NECAB1: variants seen among roughly 807,000 people sequenced by gnomAD.
NECAB1 encodes N-terminal EF-hand calcium binding protein 1.
Under a neutral mutation model 57.5 loss-of-function variants are expected in NECAB1, and 29 were observed. That is an observed-to-expected ratio of 0.50 (90% CI 0.38 to 0.69). The LOEUF (loss-of-function observed/expected upper bound fraction) is 0.69, where lower values mean the gene tolerates loss of function less well. Among genes scored for constraint, NECAB1 ranks in the 30% least tolerant of loss-of-function variants. NECAB1 has a pLI of 0.00. For synonymous variants in NECAB1, 142 were observed against 147.7 expected (o/e 0.96, Z 0.28); for missense variants, 372 against 413.8 (o/e 0.90, Z 0.88).
intron 4 of NECAB1, among the ~76,000 whole-genome samples, chr8:90,880,305 A>T (rs542639750): frequency 6.6e-6 from 1 of 152,254 alleles, no homozygotes; most frequent in African/African-American, 2.4e-5. Context: ...AAAACCCTAG[A>T]TCTTCTCAAT....
At chr8:90,848,550 A>C (rs1812612888) in intron 3 of NECAB1, among the ~76,000 whole-genome samples, 1 of 152,198 alleles carries the variant, frequency 6.6e-6, no homozygotes, top group Non-Finnish European at 1.5e-5. Context: ...GTAATTTATG[A>C]AGAAAAAGAG....
In NECAB1 at chr8:90,869,920, C is replaced by T. The variant is rs114853173; in HGVS notation, c.234-2208C>T. 5.3e-3 allele frequency among the ~76,000 whole-genome samples: 800 copies of T among 152,176 alleles called. 6 individuals are homozygous for T. The highest frequency in any genetic ancestry group is 0.018 in the African/African-American group (757 of 41,520). ...TGGCTTTCTGTCTCCACCCAAATCT[C>T]ATGTTGAATTTCTAATCCCCAGTGT... On this transcript the variant is annotated intron_variant, in intron 3 of 12. Transcript: ENST00000417640.
intron 5 of NECAB1, among the ~76,000 whole-genome samples, chr8:90,916,636 G>A (rs1809959628): frequency 6.6e-6 from 1 of 152,118 alleles, no homozygotes; most frequent in Non-Finnish European, 1.5e-5. Context: ...TCACTGGCTG[G>A]TCCCATGATC....
intron 2 of NECAB1, among the ~76,000 whole-genome samples, chr8:90,822,792 G>A (rs766342895): frequency 2.6e-5 from 4 of 151,630 alleles, no homozygotes; most frequent in South Asian, 2.1e-4. Context: ...CAATGTATTC[G>A]TATTACATTC....
chr8:90,797,676 G>A (rs559135351), intron 1 of NECAB1, among the ~76,000 whole-genome samples: 1 of 152,274 alleles, frequency 6.6e-6, no homozygotes, highest in East Asian at 1.9e-4. Flanking sequence ...TAGCTCTGTA[G>A]TATGTTATCC....
chr8:90,903,005 A>T (rs1411393680), intron 5 of NECAB1, among the ~76,000 whole-genome samples: 2 of 152,068 alleles, frequency 1.3e-5, no homozygotes, highest in African/African-American at 4.8e-5. Context: ...TAAATATAAA[A>T]TATACTATTT....
intron 4 of NECAB1, among the ~76,000 whole-genome samples, chr8:90,878,256 T>C (rs1246344554): frequency 6.6e-6 from 1 of 152,208 alleles, no homozygotes; most frequent in African/African-American, 2.4e-5. Flanking sequence ...CTCTCTCCTC[T>C]CTGACTTTAG....
chr8:90,904,210 T>C (rs1455929005), intron 5 of NECAB1, among the ~76,000 whole-genome samples: 1 of 151,888 alleles, frequency 6.6e-6, no homozygotes. Flanking sequence ...TCTCTCTTAA[T>C]CTAGATCTGG....
chr8:90,951,870 A>C (rs982754014), intron 12 of NECAB1, among the ~76,000 whole-genome samples: 1 of 152,190 alleles, frequency 6.6e-6, no homozygotes, highest in African/African-American at 2.4e-5. Flanking sequence ...TTTTTAAGAA[A>C]ATGACTTGAG....
intron 1 of NECAB1, among the ~76,000 whole-genome samples, chr8:90,793,320 G>T (rs1811607746): frequency 6.6e-6 from 1 of 152,116 alleles, no homozygotes; most frequent in Non-Finnish European, 1.5e-5. Context: ...GTGTGTACTG[G>T]CAGCCTTCAC....
chr8:90,915,456 GATT>G (rs1249675580), intron 5 of NECAB1, among the ~76,000 whole-genome samples: 2 of 151,950 alleles, frequency 1.3e-5, no homozygotes, highest in African/African-American at 4.8e-5. Flanking sequence ...AAACTCTTAA[GATT>G]ATTATAAGCA....
At position 90,808,348 on chromosome 8, in the gene NECAB1, G is replaced by A. The variant is rs114276833; in HGVS notation, c.124+6633G>A. ...TCCTTTCTGTTCCTGCAATTTAATC[G>A]TCTACTCTGCTCCATCTAGATCCCA... On this transcript the variant is annotated intron_variant, in intron 2 of 12. Coordinates refer to ENST00000417640, the MANE Select transcript of NECAB1 (RefSeq NM_022351.5). 4.7e-3 allele frequency among the ~76,000 whole-genome samples: 716 copies of A among 152,130 alleles called. 10 individuals are homozygous for A. Among genetic ancestry groups the A allele is most frequent in the African/African-American group, 0.016 (659 of 41,478 alleles).
chr8:90,853,685 C>T (rs1248995928), intron 3 of NECAB1, among the ~76,000 whole-genome samples: 1 of 152,158 alleles, frequency 6.6e-6, no homozygotes, highest in Non-Finnish European at 1.5e-5. Context: ...TCAACTTCAT[C>T]TTTATATAAA....
intron 3 of NECAB1, among the ~76,000 whole-genome samples, chr8:90,840,922 A>G (rs946306313): frequency 1.3e-5 from 2 of 150,466 alleles, no homozygotes; most frequent in African/African-American, 4.9e-5. Flanking sequence ...TTCAGGAGGA[A>G]GAACAAAATG....
intron 6 of NECAB1, among the ~76,000 whole-genome samples, chr8:90,921,846 T>TCC (rs1174718920): frequency 1.3e-5 from 2 of 152,212 alleles, no homozygotes; most frequent in African/African-American, 4.8e-5. Flanking sequence ...AGTCATCTAT[T>TCC]CCATCTATCA....
At chr8:90,917,996 GTGTGTGTATATATATA>G (rs1272655687) in intron 6 of NECAB1, among the ~76,000 whole-genome samples, 2 of 133,752 alleles carry the variant, frequency 1.5e-5, no homozygotes. Context: ...ACATATATGT[GTGTGTGTATATATATA>G]TATTTCTTTT....
chr8:90,818,880 T>C (rs893147240), intron 2 of NECAB1, among the ~76,000 whole-genome samples: 13 of 152,188 alleles, frequency 8.5e-5, no homozygotes, highest in East Asian at 3.9e-4. Context: ...GTAACACTTT[T>C]TGAAATTTCC....
intron 8 of NECAB1, among the ~76,000 whole-genome samples, chr8:90,933,759 C>T (rs1051383656): frequency 2.6e-5 from 4 of 151,996 alleles, no homozygotes; most frequent in Non-Finnish European, 5.9e-5. Context: ...TAAGACTTCA[C>T]GGTCTTTATA....
At chr8:90,844,426 C>A (rs1440876406) in intron 3 of NECAB1, among the ~76,000 whole-genome samples, 1 of 152,132 alleles carries the variant, frequency 6.6e-6, no homozygotes, top group Non-Finnish European at 1.5e-5. Context: ...GCAAGTAATT[C>A]TTCAAAATTA....
Sources: allele counts gnomAD v4.1 joint callset (sites outside exome capture counted in the v4.1 genomes callset), GRCh38; gene constraint gnomAD v4.1.1; transcripts MANE v1.5; gene names NCBI Gene and HGNC (gene_info 2026-07-23, HGNC 2026-07-21).